The following PCSK5 variants were observed in gnomAD, a reference collection of about 807,000 sequenced individuals.
PCSK5 encodes the protein proprotein convertase subtilisin/kexin type 5, also known as prohormone convertase 5.
Under a neutral mutation model 233.2 loss-of-function variants are expected in PCSK5, and 129 were observed. The ratio of observed to expected loss-of-function variants is 0.55; its 90% CI spans 0.48 to 0.64. PCSK5 has a LOEUF of 0.64. PCSK5 is among the 30% of genes least tolerant of loss of function. The probability of loss-of-function intolerance (pLI) is 0.00; values close to 1 mark genes in which losing one functional copy is unlikely to be tolerated. For synonymous variants in PCSK5, 825 were observed against 879.2 expected (o/e 0.94, Z 1.09); for missense variants, 2,076 against 2,430.1 (o/e 0.85, Z 3.06).
intron 28 of PCSK5, among the ~76,000 whole-genome samples, chr9:76,307,378 A>G (rs1035718811): frequency 1.3e-5 from 2 of 152,332 alleles, no homozygotes; most frequent in South Asian, 2.1e-4. Context: ...GGTCAGGGTC[A>G]TTGAAATCCC....
Position 76,296,745 on chromosome 9 carries a change from T to C in PCSK5, c.3403T>C (p.Cys1135Arg), listed in dbSNP as rs1230699560. The change falls in exon 27 of 38, where the codon TGC becomes CGC. Residue 1135 changes from cysteine (C) to arginine (R), a missense_variant. Transcript: ENST00000674117. ...AGAATGTGAGTCCTGCCACCGAGCA[T>C]GCGAAACCTGCACAGGCCCTGGTCA... ...MGECESCHRACETCTGPGHDE... is the reference protein window; with the variant it reads ...MGECESCHRARETCTGPGHDE... 6.2e-7 allele frequency: 1 copy of C among 1,612,242 alleles called. No homozygotes were observed. Among genetic ancestry groups the C allele is most frequent in the East Asian group, 2.2e-5 (1 of 44,856 alleles).
chr9:76,059,793 T>G lies in PCSK5; in HGVS notation c.633-8162T>G, dbSNP rs187933983. 1.3e-4 allele frequency among the ~76,000 whole-genome samples: 20 copies of G among 152,190 alleles called. 1 individual carries two copies. Among genetic ancestry groups the G allele is most frequent in the Admixed American group, 1.3e-3 (20 of 15,292 alleles). On this transcript the variant is annotated intron_variant, in intron 5 of 37. Transcript: ENST00000674117. ...TTTAAATTCTAAAAAATTATAAATG[T>G]TTCAAATTTTTTATCCTACAGGATA...
intron 3 of PCSK5, among the ~76,000 whole-genome samples, chr9:75,998,153 A>G (rs1017747368): frequency 6.6e-6 from 1 of 152,188 alleles, no homozygotes; most frequent in Non-Finnish European, 1.5e-5. Flanking sequence ...AATCATTTTT[A>G]TCTTTTAGAG....
At chr9:76,189,845 C>A in intron 20 of PCSK5, 99 bp downstream of exon 20, 1 of 658,630 alleles carries the variant, frequency 1.5e-6, no homozygotes, top group Non-Finnish European at 2.7e-6. Context: ...TCACAGCATG[C>A]ATCAGATATG....
chr9:76,102,246 G>A (rs561837674), intron 8 of PCSK5, among the ~76,000 whole-genome samples: 6 of 152,156 alleles, frequency 3.9e-5, no homozygotes, highest in Non-Finnish European at 8.8e-5. Context: ...CCCTTTTGTA[G>A]CTGTTTGTCC....
intron 3 of PCSK5, among the ~76,000 whole-genome samples, chr9:76,017,180 C>G (rs945725118): frequency 1.5e-4 from 23 of 152,240 alleles, no homozygotes; most frequent in African/African-American, 1.2e-4. Context: ...TTGTGCACCC[C>G]CTCCCCAGGC....
chr9:76,271,132 G>T (rs186439805), intron 24 of PCSK5, among the ~76,000 whole-genome samples: 7 of 152,040 alleles, frequency 4.6e-5, no homozygotes, highest in Admixed American at 3.9e-4. Flanking sequence ...CCCTTTCCTT[G>T]GGCTTCGTTG....
chr9:75,987,584 TGAAAG>T (rs1826572282), intron 3 of PCSK5, among the ~76,000 whole-genome samples: 1 of 152,038 alleles, frequency 6.6e-6, no homozygotes, highest in South Asian at 2.1e-4. Flanking sequence ...TACCCAGAAA[TGAAAG>T]GTTATGGAAA....
intron 7 of PCSK5, 38 bp downstream of exon 7, chr9:76,071,936 T>C (rs776437369): frequency 6.4e-7 from 1 of 1,557,490 alleles, no homozygotes; most frequent in East Asian, 2.3e-5. Context: ...ACTGTGTGGA[T>C]GGGTGATGAT....
chr9:76,190,036 G>A (rs948350186), intron 20 of PCSK5, among the ~76,000 whole-genome samples: 1 of 152,072 alleles, frequency 6.6e-6, no homozygotes, highest in Admixed American at 6.6e-5. Flanking sequence ...GCAAAATTGA[G>A]CAGAAAGTTC....
In PCSK5 at chr9:76,157,312, G is replaced by T; in HGVS notation, c.1430+150G>T. On this transcript the variant is annotated intron_variant, in intron 11 of 37. Coordinates refer to ENST00000674117, the MANE Select transcript of PCSK5 (RefSeq NM_001372043.1). Reference sequence around the variant, plus strand: ...CTATGAAATGGTAATAGAACGGCTAGGATTCTGAGCGGTTAAATTCGTACT... The same window carrying T: ...CTATGAAATGGTAATAGAACGGCTATGATTCTGAGCGGTTAAATTCGTACT... The T allele has an allele frequency of 1.1e-5, 7 of 619,394 alleles. No homozygotes were observed. The South Asian group carries it at 1.1e-4, about 10-fold the overall frequency. 38.4% of individuals were successfully genotyped at this position (619,394 alleles called of 1,614,324 possible).
At position 76,338,355 on chromosome 9, in the gene PCSK5, G is replaced by A. The variant is rs1011082721; in HGVS notation, c.4874G>A (p.Gly1625Glu). ...TTTTTCTTTCTGCTCCGCTCCAAAG[G>A]AGAGTGTCATCGCTCCTGCCCAGAC... ...DRFFFLLRSK[G>E]ECHRSCPDHY... The change falls in exon 35 of 38, where the codon GGA becomes GAA. Residue 1625 changes from glycine to glutamate, a missense_variant. This residue lies in a region of PCSK5 where 1,510 missense variants were observed against 1,538.1 expected (regional missense o/e 0.98). Coordinates refer to ENST00000674117, the MANE Select transcript of PCSK5 (RefSeq NM_001372043.1). 2.5e-6 allele frequency: 4 copies of A among 1,612,760 alleles called. No homozygotes were observed. Among genetic ancestry groups the A allele is most frequent in the Middle Eastern group, 1.6e-4 (1 of 6,062 alleles).
intron 5 of PCSK5, among the ~76,000 whole-genome samples, chr9:76,027,569 G>A (rs992423452): frequency 6.3e-5 from 7 of 110,664 alleles, no homozygotes; most frequent in African/African-American, 1.1e-4. Flanking sequence ...CCCGCCCCCC[G>A]CCCAGGCAAG....
At chr9:75,921,138 A>C (rs991331701) in intron 1 of PCSK5, among the ~76,000 whole-genome samples, 1 of 152,162 alleles carries the variant, frequency 6.6e-6, no homozygotes, top group Non-Finnish European at 1.5e-5. Flanking sequence ...GTTTCTGCCG[A>C]ATGAAATGGA....
intron 9 of PCSK5, among the ~76,000 whole-genome samples, chr9:76,123,871 A>G (rs1288096426): frequency 2.6e-5 from 4 of 152,136 alleles, no homozygotes; most frequent in Non-Finnish European, 5.9e-5. Context: ...AATCAGTTCA[A>G]CTGTTTTATT....
chr9:76,358,148 G>C (rs943990639), intron 37 of PCSK5, among the ~76,000 whole-genome samples: 3 of 152,132 alleles, frequency 2.0e-5, no homozygotes, highest in Non-Finnish European at 4.4e-5. Flanking sequence ...GGCTTCATCA[G>C]ACATAGGCTA....
intron 1 of PCSK5, among the ~76,000 whole-genome samples, chr9:75,931,931 T>A (rs534372563): frequency 5.3e-4 from 81 of 152,354 alleles, no homozygotes; most frequent in South Asian, 1.4e-3. Flanking sequence ...GCTTAAGACA[T>A]ATTTCAAATT....
intron 24 of PCSK5, 24 bp from the exon 25 acceptor site, chr9:76,292,208 AC>A: frequency 7.2e-7 from 1 of 1,384,840 alleles, no homozygotes; most frequent in Non-Finnish European, 1.0e-6. Flanking sequence ...CATGATTATT[AC>A]TTTTTATTAT....
chr9:76,350,211 T>A (rs1173881869), intron 35 of PCSK5, among the ~76,000 whole-genome samples: 1 of 152,158 alleles, frequency 6.6e-6, no homozygotes, highest in East Asian at 1.9e-4. Context: ...ATAGGTGACA[T>A]TACATGTCTG....
Sources: allele counts gnomAD v4.1 joint callset (sites outside exome capture counted in the v4.1 genomes callset), GRCh38; gene constraint gnomAD v4.1.1; regional missense constraint gnomAD v4.1.1; transcripts MANE v1.5; gene names NCBI Gene and HGNC (gene_info 2026-07-23, HGNC 2026-07-21).